The following TRIM37 variants were observed in gnomAD, a reference collection of about 807,000 sequenced individuals.
TRIM37 encodes the protein E3 ubiquitin-protein ligase TRIM37.
TRIM37 carries 80 observed loss-of-function variants against 129.8 expected under a neutral mutation model. The ratio of observed to expected loss-of-function variants is 0.62; its 90% CI spans 0.51 to 0.74. The LOEUF is 0.74. Among genes scored for constraint, TRIM37 ranks in the 30% least tolerant of loss-of-function variants. TRIM37 has a pLI of 0.00. For synonymous variants in TRIM37, 389 were observed against 387.1 expected (o/e 1.00, Z -0.06); for missense variants, 1,054 against 1,176.5 (o/e 0.90, Z 1.52).
At chr17:59,003,605 C>A in intron 22 of TRIM37, among the ~76,000 whole-genome samples, 1 of 137,496 alleles carries the variant, frequency 7.3e-6, no homozygotes, top group African/African-American at 2.8e-5. Flanking sequence ...ATTTGAATGA[C>A]AGCAAAACTG....
At position 58,998,746 on chromosome 17, in the gene TRIM37, A is replaced by G; in HGVS notation, c.*631T>C. The G allele has an allele frequency of 1.0e-6, 1 of 985,756 alleles. No individual in the cohort carries two copies. Among genetic ancestry groups the G allele is most frequent in the Non-Finnish European group, 1.2e-6 (1 of 830,162 alleles). The allele number at this position is 985,756 out of a possible 1,614,324, so 61.1% of individuals were successfully genotyped here. On this transcript the variant is annotated 3_prime_UTR_variant, in exon 24 of 24. Transcript: ENST00000262294. ...TTAACTTAATTTCATTTAAAATTAC[A>G]TTTGTAGAAGTCACACAACAGAAAG...
At chr17:59,104,255 A>G in intron 2 of TRIM37, 38 bp downstream of exon 2, 3 of 1,533,228 alleles carry the variant, frequency 2.0e-6, no homozygotes, top group Non-Finnish European at 1.8e-6. Flanking sequence ...AATATATACT[A>G]TATATACTAA....
the TRIM37 span, among the ~76,000 whole-genome samples, chr17:58,974,005 T>C: frequency 1.3e-5 from 2 of 149,262 alleles, no homozygotes; most frequent in Non-Finnish European, 3.0e-5. Flanking sequence ...GGCTTGTGCC[T>C]GTAGTCCTAG....
intron 2 of TRIM37, among the ~76,000 whole-genome samples, chr17:59,103,795 A>G (rs1288809050): frequency 6.6e-6 from 1 of 151,638 alleles, no homozygotes; most frequent in Non-Finnish European, 1.5e-5. Flanking sequence ...ACACAGGTAC[A>G]TGCCACCATG....
rs367815082 is a variant in TRIM37 at position 59,106,867 on chromosome 17, G to C, written c.-406C>G. The C allele has an allele frequency of 9.3e-6, 3 of 323,580 alleles. No individual in the cohort carries two copies. Among genetic ancestry groups the C allele is most frequent in the Non-Finnish European group, 1.7e-5 (3 of 173,932 alleles). The allele number at this position is 323,580 out of a possible 1,614,324, so 20.0% of individuals were successfully genotyped here. ...AACCAGAGCAGCTGGGGGCGCGGCG[G>C]CGAGAGAAGCTGCGAAGCGCATGCG... On this transcript the variant is annotated 5_prime_UTR_variant, in exon 1 of 24. Transcript: ENST00000262294.
intron 2 of TRIM37, among the ~76,000 whole-genome samples, chr17:59,095,806 C>G (rs925157060): frequency 6.6e-6 from 1 of 152,198 alleles, no homozygotes; most frequent in African/African-American, 2.4e-5. Flanking sequence ...GCAGCCTCAA[C>G]CTCTTCATCT....
At chr17:59,071,668 C>T (rs1229399157) in intron 8 of TRIM37, among the ~76,000 whole-genome samples, 1 of 151,128 alleles carries the variant, frequency 6.6e-6, no homozygotes, top group Non-Finnish European at 1.5e-5. Flanking sequence ...CCCGTGTGTA[C>T]ACACACACAC....
In TRIM37 at chr17:59,084,077, G is replaced by A. The variant is rs766793498; in HGVS notation, c.294C>T (p.His98=). 1.2e-6 allele frequency: 2 copies of A among 1,612,050 alleles called. No individual in the cohort carries two copies. Among genetic ancestry groups the A allele is most frequent in the Non-Finnish European group, 1.7e-6 (2 of 1,178,628 alleles). The change falls in exon 5 of 24, where the codon CAC becomes CAT. Residue 98 remains histidine, a synonymous_variant. Transcript: ENST00000262294. ...AGCAAAATACACTAAGTTTTTCATG[G>A]TGATTTTCACATCTATACATTATGA... ...EENEKDKCEN[H]HEKLSVFCWT... is the part of the protein sequence containing the mutation.
chr17:58,977,942 CATG>C (rs1329359726), downstream of TRIM37, among the ~76,000 whole-genome samples: 1 of 152,184 alleles, frequency 6.6e-6, no homozygotes, highest in African/African-American at 2.4e-5. Context: ...AAGGTTTCAC[CATG>C]ATGGCCAGGC....
At chr17:59,002,542 A>G in intron 22 of TRIM37, among the ~76,000 whole-genome samples, 1 of 152,192 alleles carries the variant, frequency 6.6e-6, no homozygotes, top group South Asian at 2.1e-4. Context: ...TGGCCACATC[A>G]GTTGATTTTT....
chr17:59,072,192 A>G (rs1333419233), intron 8 of TRIM37, among the ~76,000 whole-genome samples: 2 of 152,206 alleles, frequency 1.3e-5, no homozygotes, highest in East Asian at 1.9e-4. Flanking sequence ...AGTCATCTAC[A>G]GGCCAAGGAG....
chr17:59,068,506 A>G (rs571118492), intron 9 of TRIM37, among the ~76,000 whole-genome samples: 69 of 152,346 alleles, frequency 4.5e-4, no homozygotes, highest in African/African-American at 1.6e-3. Flanking sequence ...GGTTCAGAAA[A>G]CAAATCTTCA....
At chr17:59,006,451 C>T (rs1043430856) in intron 22 of TRIM37, among the ~76,000 whole-genome samples, 12 of 152,168 alleles carry the variant, frequency 7.9e-5, no homozygotes, top group African/African-American at 2.4e-4. Flanking sequence ...ATACATTAAC[C>T]ACCTGGTACA....
chr17:58,976,720 C>T, the TRIM37 span, among the ~76,000 whole-genome samples: 1 of 152,148 alleles, frequency 6.6e-6, no homozygotes, highest in Non-Finnish European at 1.5e-5. Context: ...GAATTTGACA[C>T]CCAACAGTAG....
In TRIM37 at chr17:59,104,315, A is replaced by T; in HGVS notation, c.101T>A (p.Leu34Gln). 1 of 1,614,218 alleles carries T rather than the reference A, an allele frequency of 6.2e-7. No homozygotes were observed. The highest frequency in any genetic ancestry group is 8.5e-7 in the Non-Finnish European group (1 of 1,180,026). The change falls in exon 2 of 24, where the codon CTG (leucine) becomes CAG (glutamine). Residue 34 changes from leucine to glutamine, a missense_variant. Leu to Gln is a moderately radical substitution (Grantham distance 113). Coordinates refer to ENST00000262294, the MANE Select transcript of TRIM37 (RefSeq NM_015294.6). ...DARLCPHCSK[L>Q]CCFSCIRRWL... is the part of the protein sequence containing the mutation. ...TACCCTAATACAGCTGAAACAACAC[A>T]GTTTGGAGCAATGAGGACACAGGCG...
chr17:59,064,031 G>A (rs2041726363), intron 10 of TRIM37: 1 of 215,698 alleles, frequency 4.6e-6, no homozygotes, highest in Admixed American at 5.4e-5. Context: ...GGGAGGCTGA[G>A]GTGGGAGGAT....
chr17:59,062,683 C>A, intron 10 of TRIM37, 35 bp from the exon 11 acceptor site: 1 of 1,582,982 alleles, frequency 6.3e-7, no homozygotes, highest in South Asian at 1.1e-5. Context: ...ATCCCAAGAT[C>A]AAAACTGTTG....
At chr17:59,012,669 G>C (rs1449308553) in intron 21 of TRIM37, among the ~76,000 whole-genome samples, 1 of 152,028 alleles carries the variant, frequency 6.6e-6, no homozygotes, top group African/African-American at 2.4e-5. Context: ...CCTGAGGTAG[G>C]AGTTCAAGAC....
intron 16 of TRIM37, among the ~76,000 whole-genome samples, chr17:59,043,357 A>C (rs1483393406): frequency 1.3e-5 from 2 of 152,196 alleles, no homozygotes; most frequent in Non-Finnish European, 2.9e-5. Flanking sequence ...GGCATACAGC[A>C]AATGAAGAAA....
Sources: allele counts gnomAD v4.1 joint callset (sites outside exome capture counted in the v4.1 genomes callset), GRCh38; gene constraint gnomAD v4.1.1; transcripts MANE v1.5; gene names NCBI Gene and HGNC (gene_info 2026-07-23, HGNC 2026-07-21).